Variants in CDC42BPA observed in about 807,000 individuals in gnomAD.
CDC42BPA encodes the protein CDC42 binding protein kinase alpha.
Under a neutral mutation model 223.5 loss-of-function variants are expected in CDC42BPA, and 80 were observed. That is an observed-to-expected ratio of 0.36 (90% confidence interval 0.30 to 0.43). CDC42BPA has a LOEUF of 0.43. CDC42BPA is among the 20% of genes least tolerant of loss of function. The pLI, the probability that CDC42BPA is intolerant of heterozygous loss-of-function variation, is 1.00. For missense variants in CDC42BPA, 1,743 were observed against 2,099.9 expected (o/e 0.83, Z 3.32); for synonymous variants, 694 against 718.6 (o/e 0.97, Z 0.55).
At chr1:227,275,105 C>T (rs1686694274) in intron 1 of CDC42BPA, among the ~76,000 whole-genome samples, 1 of 151,946 alleles carries the variant, frequency 6.6e-6, no homozygotes, top group Admixed American at 6.6e-5. Context: ...TTTTGAAAAC[C>T]ATACAGAACA....
At chr1:227,044,592 A>G (rs772626431) in intron 23 of CDC42BPA, among the ~76,000 whole-genome samples, 5 of 152,100 alleles carry the variant, frequency 3.3e-5, no homozygotes, top group African/African-American at 4.8e-5. Flanking sequence ...ATAGGTATCT[A>G]TATGGGCGGG....
chr1:227,312,802 G>A (rs1693747982), intron 1 of CDC42BPA, among the ~76,000 whole-genome samples: 1 of 147,758 alleles, frequency 6.8e-6, no homozygotes, highest in Non-Finnish European at 1.5e-5. Flanking sequence ...TTTGTGTTGT[G>A]ATAGTGAGTG....
intron 26 of CDC42BPA, among the ~76,000 whole-genome samples, chr1:227,033,757 C>T (rs1015955943): frequency 5.9e-5 from 9 of 152,138 alleles, no homozygotes; most frequent in Non-Finnish European, 1.2e-4. Flanking sequence ...CTTAAGTACC[C>T]TCAACCCAGC....
intron 5 of CDC42BPA, among the ~76,000 whole-genome samples, chr1:227,182,259 A>T (rs1204048455): frequency 6.6e-6 from 1 of 152,208 alleles, no homozygotes. Context: ...ACATGTTAAT[A>T]ACACCCAAAA....
chr1:227,032,574 C>T (rs1222683405), intron 27 of CDC42BPA, among the ~76,000 whole-genome samples: 2 of 152,170 alleles, frequency 1.3e-5, no homozygotes, highest in African/African-American at 4.8e-5. Flanking sequence ...TCTATTTCCC[C>T]TCCCCTTAAA....
chr1:227,222,052 CAAAAAAA>C lies in CDC42BPA; in HGVS notation c.271-8840_271-8834del, dbSNP rs60588018. Among the ~76,000 whole-genome samples, 193 of 86,506 alleles carry C rather than the reference CAAAAAAA, an allele frequency of 2.2e-3. 2 individuals are homozygous for C. Among genetic ancestry groups the C allele is most frequent in the African/African-American group, 4.9e-3 (114 of 23,048 alleles). The allele number at this position is 86,506 out of a possible 152,430, so 56.8% of individuals were successfully genotyped here. ...CAACATAGGAAGACCCTATCTCTAC[CAAAAAAA>C]AAAAAAAAAAAAAAAAAAAATTAAT... is the stretch of plus-strand genomic sequence containing the variant. On this transcript the variant is annotated intron_variant, in intron 2 of 36. Transcript: ENST00000366766.
At chr1:227,270,744 C>T (rs796650076) in intron 1 of CDC42BPA, among the ~76,000 whole-genome samples, 5 of 152,228 alleles carry the variant, frequency 3.3e-5, no homozygotes, top group African/African-American at 1.2e-4. Flanking sequence ...ATCCCCTCCC[C>T]GACCCACCAC....
chr1:227,123,459 C>T (rs1251661212), intron 11 of CDC42BPA, among the ~76,000 whole-genome samples: 2 of 151,994 alleles, frequency 1.3e-5, no homozygotes, highest in African/African-American at 4.8e-5. Flanking sequence ...CACTGTATGG[C>T]ATGGAAGAGA....
In CDC42BPA at chr1:227,302,389, A is replaced by G. The variant is rs150115845; in HGVS notation, c.178+14616T>C. Among the ~76,000 whole-genome samples the G allele has an allele frequency of 5.2e-4, 79 of 152,266 alleles. 1 individual carries two copies. In the East Asian group the frequency reaches 0.015, roughly 29 times the overall value. ...TCCTTATCCCGCCCTCATACTTAAGAATTTGTCTGGATATAGAATTTCAGT... is the reference window on the plus strand; with the variant it reads ...TCCTTATCCCGCCCTCATACTTAAGGATTTGTCTGGATATAGAATTTCAGT... On this transcript the variant is annotated intron_variant, in intron 1 of 36. Coordinates refer to ENST00000366766, the MANE Select transcript of CDC42BPA (RefSeq NM_001394014.1).
chr1:227,029,787 T>C (rs1222664032), intron 29 of CDC42BPA, among the ~76,000 whole-genome samples: 2 of 152,224 alleles, frequency 1.3e-5, no homozygotes, highest in Admixed American at 6.5e-5. Context: ...CTGGTACTAA[T>C]AGAACAATGT....
chr1:227,263,297 TATA>T (rs1414219242), intron 1 of CDC42BPA, among the ~76,000 whole-genome samples: 1 of 152,202 alleles, frequency 6.6e-6, no homozygotes, highest in African/African-American at 2.4e-5. Context: ...GTTTACATAA[TATA>T]GTAGTTTATA....
intron 6 of CDC42BPA, among the ~76,000 whole-genome samples, chr1:227,153,162 G>C (rs1239592892): frequency 6.6e-6 from 1 of 150,746 alleles, no homozygotes; most frequent in Admixed American, 6.6e-5. Flanking sequence ...AAATGGTTAA[G>C]AACACAAAAA....
At position 227,112,915 on chromosome 1, in the gene CDC42BPA, TAC is replaced by T. The variant is rs1318156142; in HGVS notation, c.1648-4_1648-3del. The T allele has an allele frequency of 1.2e-6, 2 of 1,612,198 alleles. No individual in the cohort carries two copies. The highest frequency in any genetic ancestry group is 2.7e-5 in the African/African-American group (2 of 74,680). Reference sequence around the variant, plus strand: ...TCGCTCACTAGCCTGGACTAGTTCCTACAGTTTTGTAAAAAGAATATAAGTTA... The same window carrying T: ...TCGCTCACTAGCCTGGACTAGTTCCTAGTTTTGTAAAAAGAATATAAGTTA... On this transcript the variant is annotated splice_region_variant and splice_polypyrimidine_tract_variant and intron_variant, in intron 12 of 36. Transcript: ENST00000366766.
intron 1 of CDC42BPA, among the ~76,000 whole-genome samples, chr1:227,284,592 C>CT (rs977887521): frequency 1.3e-5 from 2 of 152,162 alleles, no homozygotes; most frequent in African/African-American, 4.8e-5. Context: ...AAGTTGGTCC[C>CT]TAAGCCCAAA....
chr1:227,003,263 G>C (rs1663259842), intron 35 of CDC42BPA, among the ~76,000 whole-genome samples: 1 of 152,166 alleles, frequency 6.6e-6, no homozygotes, highest in African/African-American at 2.4e-5. Context: ...ATTTAGTGCA[G>C]TTACTTTCTC....
At chr1:227,316,931 C>A in intron 1 of CDC42BPA, 74 bp downstream of exon 1, 1 of 1,096,080 alleles carries the variant, frequency 9.1e-7, no homozygotes, top group South Asian at 1.4e-5. Flanking sequence ...AGAGTTTACT[C>A]ATAACTCTCT....
At chr1:227,266,254 G>C (rs1684976255) in intron 1 of CDC42BPA, among the ~76,000 whole-genome samples, 1 of 152,224 alleles carries the variant, frequency 6.6e-6, no homozygotes, top group Non-Finnish European at 1.5e-5. Flanking sequence ...GGGCCTGAGA[G>C]CTTCTAGGGT....
intron 2 of CDC42BPA, among the ~76,000 whole-genome samples, chr1:227,220,307 TATATACACACAC>T (rs1558796625): frequency 1.5e-5 from 1 of 67,208 alleles, no homozygotes; most frequent in East Asian, 4.4e-4. Context: ...TATATATATA[TATATACACACAC>T]ACACACACAT....
At chr1:227,055,536 T>C (rs548085677) in intron 21 of CDC42BPA, among the ~76,000 whole-genome samples, 1 of 152,164 alleles carries the variant, frequency 6.6e-6, no homozygotes. Context: ...TGATATAGTA[T>C]AGCAGCAAAG....
Sources: allele counts gnomAD v4.1 joint callset (sites outside exome capture counted in the v4.1 genomes callset), GRCh38; gene constraint gnomAD v4.1.1; transcripts MANE v1.5; gene names NCBI Gene and HGNC (gene_info 2026-07-23, HGNC 2026-07-21).